TPRG1: variants seen among roughly 807,000 people sequenced by gnomAD.
TPRG1 encodes the protein tumor protein p63-regulated gene 1 protein.
TPRG1 carries 29 observed loss-of-function variants against 29.3 expected under a neutral mutation model. The observed-to-expected ratio is 0.99, with a 90% confidence interval of 0.74 to 1.35. TPRG1 has a LOEUF of 1.35. Among genes scored for constraint, TPRG1 ranks in the 40% most tolerant of loss-of-function variants. The probability of loss-of-function intolerance (pLI) is 0.00; values close to 1 mark genes in which losing one functional copy is unlikely to be tolerated. For missense variants in TPRG1, 327 were observed against 335.0 expected (o/e 0.98, Z 0.19); for synonymous variants, 130 against 116.8 (o/e 1.11, Z -0.73).
rs542956414 is a variant in TPRG1, at chr3:189,075,631, TA to T, written c.-462-51425del. Among the ~76,000 whole-genome samples the T allele has an allele frequency of 2.3e-3, 355 of 152,360 alleles. 3 individuals are homozygous for T. The highest frequency in any genetic ancestry group is 8.4e-3 in the African/African-American group (349 of 41,586). ...CTATCCCCAGTTCTGAGTCTGATTTTATAATGGCATTCTGGGGCTTTAGATT... is the reference window on the plus strand; with the variant it reads ...CTATCCCCAGTTCTGAGTCTGATTTTTAATGGCATTCTGGGGCTTTAGATT... On this transcript the variant is annotated intron_variant, in intron 4 of 10. Transcript: ENST00000433971.
At chr3:189,137,611 G>A (rs1327686329) in intron 3 of TPRG1, among the ~76,000 whole-genome samples, 2 of 151,974 alleles carry the variant, frequency 1.3e-5, no homozygotes, top group Non-Finnish European at 2.9e-5. Flanking sequence ...TTTGCCTCTG[G>A]CCATTAGAAG....
chr3:189,227,750 A>C (rs1200579345), intron 3 of TPRG1, among the ~76,000 whole-genome samples: 3 of 152,188 alleles, frequency 2.0e-5, no homozygotes, highest in African/African-American at 7.2e-5. Context: ...AAAACTGTAA[A>C]ACTATGGTCA....
At chr3:189,318,481 T>A (rs531064634) in intron 5 of TPRG1, among the ~76,000 whole-genome samples, 4 of 152,264 alleles carry the variant, frequency 2.6e-5, no homozygotes, top group African/African-American at 9.6e-5. Context: ...ATAGATCTTT[T>A]TGGATTAAAT....
intron 1 of TPRG1, among the ~76,000 whole-genome samples, chr3:189,190,041 G>A (rs1043829143): frequency 1.3e-5 from 2 of 152,146 alleles, no homozygotes; most frequent in African/African-American, 2.4e-5. Flanking sequence ...TTTGAGAGTC[G>A]CATCATTTAG....
chr3:189,110,439 A>G (rs1720370184), intron 1 of TPRG1, among the ~76,000 whole-genome samples: 1 of 152,112 alleles, frequency 6.6e-6, no homozygotes, highest in Admixed American at 6.6e-5. Flanking sequence ...TATTCTGGTT[A>G]CAAGTCCATA....
chr3:189,088,777 G>T (rs1049615295), intron 4 of TPRG1, among the ~76,000 whole-genome samples: 8 of 152,112 alleles, frequency 5.3e-5, no homozygotes, highest in Admixed American at 3.3e-4. Flanking sequence ...GTGAAAAAAG[G>T]TTTGCACTTG....
intron 5 of TPRG1, among the ~76,000 whole-genome samples, chr3:189,161,666 G>A (rs1727504565): frequency 6.6e-6 from 1 of 152,100 alleles, no homozygotes; most frequent in African/African-American, 2.4e-5. Context: ...TCTATGAAAT[G>A]TTTATTAAAT....
intron 4 of TPRG1, among the ~76,000 whole-genome samples, chr3:189,033,552 G>A (rs1263091154): frequency 2.0e-5 from 3 of 151,266 alleles, no homozygotes; most frequent in Non-Finnish European, 4.4e-5. Context: ...GGGATTATAG[G>A]TATGAGCCAC....
At position 189,181,969 on chromosome 3, in the gene TPRG1, T is replaced by G. The variant is rs948808296; in HGVS notation, c.-10+9838T>G. Among the ~76,000 whole-genome samples the G allele has an allele frequency of 5.9e-5, 9 of 152,330 alleles. No individual in the cohort carries two copies. The East Asian group carries it at 1.5e-3, about 26-fold the overall frequency. The stretch of plus-strand genomic sequence containing the variant: ...AGGAGCAAGTCATGTCTTACATGGA[T>G]GGCAGCAGACAAAGAAAGAGAATTT... On this transcript the variant is annotated intron_variant, in intron 1 of 5. Coordinates refer to ENST00000345063, the MANE Select transcript of TPRG1 (RefSeq NM_198485.4).
intron 1 of TPRG1, among the ~76,000 whole-genome samples, chr3:189,174,891 A>T (rs1410057486): frequency 1.3e-5 from 2 of 152,218 alleles, no homozygotes; most frequent in Non-Finnish European, 2.9e-5. Flanking sequence ...AGAAATTATG[A>T]TGTATGATAG....
At chr3:189,274,929 G>T (rs919212087) in intron 4 of TPRG1, among the ~76,000 whole-genome samples, 1 of 139,540 alleles carries the variant, frequency 7.2e-6, no homozygotes, top group Non-Finnish European at 1.5e-5. Context: ...TCTTGATAAT[G>T]TAATGAGTGT....
At chr3:189,091,434 A>G (rs1273590988) in intron 4 of TPRG1, among the ~76,000 whole-genome samples, 4 of 152,152 alleles carry the variant, frequency 2.6e-5, no homozygotes. Context: ...TTTCCATCAC[A>G]TAGTAATAGC....
rs926493728 is a variant in TPRG1, at chr3:189,324,997, C to A, written c.*4177C>A. On this transcript the variant is annotated 3_prime_UTR_variant, in exon 6 of 6. Coordinates refer to ENST00000345063, the MANE Select transcript of TPRG1 (RefSeq NM_198485.4). The stretch of plus-strand genomic sequence containing the variant: ...CACCTTTGGTCTGCACCTCCCACAA[C>A]GTGCTCCGAAAGCAGTTAGGGGACT... 1 of 152,192 alleles carries A rather than the reference C, an allele frequency of 6.6e-6. No individual in the cohort carries two copies. The highest frequency in any genetic ancestry group is 2.4e-5 in the African/African-American group (1 of 41,532). The allele number at this position is 152,192 out of a possible 1,614,324, so 9.4% of individuals were successfully genotyped here. A position where few individuals can be genotyped will look rare whatever the true frequency, so the allele number is the denominator to read the frequency against.
intron 4 of TPRG1, among the ~76,000 whole-genome samples, chr3:189,247,200 A>ATC (rs1741495518): frequency 6.6e-6 from 1 of 151,914 alleles, no homozygotes; most frequent in Non-Finnish European, 1.5e-5. Flanking sequence ...TCGTTTATCT[A>ATC]TCTTTATGTT....
chr3:189,229,688 G>A lies in TPRG1; in HGVS notation c.303-9045G>A, dbSNP rs528363204. ...GTGTATAGAGAGACACAGGAAGCAC[G>A]ACAGAGACCACTCTTGAGAGAGTAG... On this transcript the variant is annotated intron_variant, in intron 3 of 5. Transcript: ENST00000345063. 3.9e-5 allele frequency among the ~76,000 whole-genome samples: 6 copies of A among 152,322 alleles called. No homozygotes were observed. The South Asian group carries it at 6.2e-4, about 16-fold the overall frequency.
intron 1 of TPRG1, among the ~76,000 whole-genome samples, chr3:189,197,120 G>T (rs1732669193): frequency 6.6e-6 from 1 of 152,178 alleles, no homozygotes; most frequent in Non-Finnish European, 1.5e-5. Flanking sequence ...TGGGACAGAG[G>T]CTTGCTTTAA....
At chr3:189,117,944 C>T (rs1186141403) in intron 1 of TPRG1, among the ~76,000 whole-genome samples, 4 of 152,008 alleles carry the variant, frequency 2.6e-5, no homozygotes, top group Admixed American at 6.6e-5. Flanking sequence ...TAAAGATACC[C>T]GAAAACGTGG....
At chr3:189,133,596 TCTC>T (rs987949540) in intron 3 of TPRG1, among the ~76,000 whole-genome samples, 1 of 152,170 alleles carries the variant, frequency 6.6e-6, no homozygotes, top group Non-Finnish European at 1.5e-5. Context: ...GTCCTTGCTT[TCTC>T]CTCTGCCATG....
chr3:189,224,342 G>A (rs540394725), intron 3 of TPRG1, among the ~76,000 whole-genome samples: 1 of 152,212 alleles, frequency 6.6e-6, no homozygotes, highest in East Asian at 1.9e-4. Context: ...CTAGCCAGGC[G>A]TGGTGACGTG....
Sources: gnomAD v4.1 joint callset for allele counts (sites outside exome capture counted in the v4.1 genomes callset) on GRCh38, gnomAD v4.1.1 for gene constraint, MANE v1.5 for transcripts, NCBI Gene and HGNC (gene_info 2026-07-23, HGNC 2026-07-21) for gene names.